Variants in WDR93 observed in about 807,000 individuals in gnomAD.
The protein encoded by WDR93 is WD repeat domain 93.
In WDR93, 73 loss-of-function variants were observed where a neutral mutation model predicts 82.9. The observed-to-expected ratio is 0.88, with a 90% CI of 0.73 to 1.07. WDR93 has a LOEUF of 1.07. WDR93 is among the 50% of genes least tolerant of loss of function. The pLI is 0.00. For synonymous variants in WDR93, 283 were observed against 300.1 expected (o/e 0.94, Z 0.59); for missense variants, 738 against 826.0 (o/e 0.89, Z 1.31).
intron 9 of WDR93, among the ~76,000 whole-genome samples, chr15:89,728,520 C>A (rs1270388798): frequency 6.6e-6 from 1 of 152,202 alleles, no homozygotes; most frequent in African/African-American, 2.4e-5. Flanking sequence ...GCTCCTACTG[C>A]ATAGTGAGAT....
Position 89,722,137 on chromosome 15 carries a change from C to A in WDR93, c.878C>A (p.Thr293Lys). The A allele has an allele frequency of 6.3e-7, 1 of 1,594,034 alleles. No homozygotes were observed. Among genetic ancestry groups the A allele is most frequent in the Non-Finnish European group, 8.6e-7 (1 of 1,168,948 alleles). ...IMKIKPPKPV[T>K]GTTFKSPLEV... ...AAGATCAAACCACCTAAGCCTGTTA[C>A]AGGTAAGTGTGATTCAAATCTCTCT... The change falls in exon 8 of 17, where the codon ACA (threonine) becomes AAA (lysine). Residue 293 changes from threonine to lysine, a missense_variant and splice_region_variant. By Grantham distance (78) the Thr-to-Lys change is moderately conservative. Transcript: ENST00000268130.
At chr15:89,704,460 A>G (rs1307853970) in intron 3 of WDR93, 1 of 152,250 alleles carries the variant, frequency 6.6e-6, no homozygotes, top group Non-Finnish European at 1.5e-5. Context: ...GTTCAAAATA[A>G]AAAGCTTAAA....
intron 10 of WDR93, among the ~76,000 whole-genome samples, chr15:89,729,300 T>C (rs1966841741): frequency 6.6e-6 from 1 of 152,128 alleles, no homozygotes; most frequent in Non-Finnish European, 1.5e-5. Context: ...AGGCTGGCAC[T>C]GCCTTCAGGG....
intron 1 of WDR93, among the ~76,000 whole-genome samples, chr15:89,700,531 C>A (rs1396024602): frequency 1.3e-5 from 2 of 148,820 alleles, no homozygotes; most frequent in Admixed American, 6.8e-5. Context: ...CATATGAAAG[C>A]CTTTTTATAA....
At chr15:89,695,381 T>C (rs1340889541) in intron 1 of WDR93, among the ~76,000 whole-genome samples, 1 of 152,202 alleles carries the variant, frequency 6.6e-6, no homozygotes, top group Admixed American at 6.5e-5. Flanking sequence ...TTGCCCAAAC[T>C]GGAGTGCAGC....
At chr15:89,736,026 C>G (rs1474272206) in intron 14 of WDR93, among the ~76,000 whole-genome samples, 1 of 152,030 alleles carries the variant, frequency 6.6e-6, no homozygotes, top group Non-Finnish European at 1.5e-5. Context: ...GAGGCTGGGG[C>G]GGGAAGACAG....
Position 89,743,569 on chromosome 15 carries a change from C to T in WDR93, c.*178C>T, listed in dbSNP as rs1967842818. 3 of 612,148 alleles carry T rather than the reference C, an allele frequency of 4.9e-6. No homozygotes were observed. In the South Asian group the frequency reaches 6.0e-5, roughly 12 times the overall value. The allele number at this position is 612,148 out of a possible 1,614,324, so 37.9% of individuals were successfully genotyped here. A position where few individuals can be genotyped will look rare whatever the true frequency, so the allele number is the denominator to read the frequency against. The stretch of plus-strand genomic sequence containing the variant: ...GTATAATCTGGGGGACCTTCAACCA[C>T]TAAGCCTCTTGTCAGAGCCCTCAGG... On this transcript the variant is annotated 3_prime_UTR_variant, in exon 17 of 17. Transcript: ENST00000268130.
chr15:89,734,805 T>G (rs1967026007), intron 13 of WDR93, among the ~76,000 whole-genome samples: 1 of 151,372 alleles, frequency 6.6e-6, no homozygotes, highest in Non-Finnish European at 1.5e-5. Flanking sequence ...GGTAACATAG[T>G]GAGACCCCTT....
In WDR93 at chr15:89,701,926, C is replaced by T; in HGVS notation, c.180C>T (p.Ile60=). 1 of 1,614,140 alleles carries T rather than the reference C, an allele frequency of 6.2e-7. No homozygotes were observed. Among genetic ancestry groups the T allele is most frequent in the Non-Finnish European group, 8.5e-7 (1 of 1,180,026 alleles). Residue 60 remains isoleucine (I), a synonymous_variant, in exon 2 of 17, where the codon ATC becomes ATT. Transcript: ENST00000268130. The stretch of plus-strand genomic sequence containing the variant: ...CCTTGCCTCAGCCTTATCGAATGAT[C>T]AACAAGCTGGTGAACCTTCTGTTTG... ...LDSLPQPYRM[I]NKLVNLLFDQ...
intron 1 of WDR93, among the ~76,000 whole-genome samples, chr15:89,692,980 G>A (rs377459759): frequency 1.4e-4 from 22 of 152,046 alleles, no homozygotes; most frequent in African/African-American, 3.1e-4. Flanking sequence ...AGTATGTAGC[G>A]TTTTCTTTTC....
At chr15:89,708,966 C>A (rs1366767472) in intron 4 of WDR93, among the ~76,000 whole-genome samples, 1 of 152,200 alleles carries the variant, frequency 6.6e-6, no homozygotes, top group Non-Finnish European at 1.5e-5. Flanking sequence ...CCTGTGGGTA[C>A]CCACATTATT....
At chr15:89,743,113 G>T (rs1376318909) in intron 16 of WDR93, among the ~76,000 whole-genome samples, 179 bp from the exon 17 acceptor site, 2 of 152,180 alleles carry the variant, frequency 1.3e-5, no homozygotes, top group East Asian at 3.9e-4. Context: ...CATTCCTCCA[G>T]GAAAGGCCTT....
chr15:89,696,100 A>G (rs1417816895), intron 1 of WDR93, among the ~76,000 whole-genome samples: 1 of 152,022 alleles, frequency 6.6e-6, no homozygotes. Context: ...TACAGACATG[A>G]GCCACCATGC....
At chr15:89,703,230 G>A (rs1965559766) in intron 3 of WDR93, 88 bp downstream of exon 3, 7 of 1,436,458 alleles carry the variant, frequency 4.9e-6, no homozygotes, top group African/African-American at 1.4e-5. Flanking sequence ...TATTGGTGGG[G>A]CCAGGCATGG....
chr15:89,725,193 A>G (rs779244651), intron 8 of WDR93, among the ~76,000 whole-genome samples: 5 of 152,246 alleles, frequency 3.3e-5, no homozygotes, highest in African/African-American at 9.6e-5. Context: ...CTAAATTTTC[A>G]TCAGTAGTAG....
intron 1 of WDR93, among the ~76,000 whole-genome samples, chr15:89,696,725 G>T (rs1030807979): frequency 5.3e-5 from 8 of 152,124 alleles, no homozygotes; most frequent in African/African-American, 1.9e-4. Context: ...GAACTCCGGG[G>T]CTCAAGCAAT....
At chr15:89,716,971 C>T (rs778009244) in intron 7 of WDR93, 22 bp downstream of exon 7, 2 of 1,448,062 alleles carry the variant, frequency 1.4e-6, no homozygotes, top group South Asian at 1.4e-5. Flanking sequence ...TAAAGAAAAT[C>T]TCCAGAGAGA....
intron 16 of WDR93, among the ~76,000 whole-genome samples, chr15:89,742,742 A>C (rs1296562365): frequency 6.6e-6 from 1 of 152,090 alleles, no homozygotes; most frequent in Non-Finnish European, 1.5e-5. Flanking sequence ...CAGGTTGGCC[A>C]GGCTAGTCTC....
chr15:89,700,567 T>G (rs988286080), intron 1 of WDR93, among the ~76,000 whole-genome samples: 1 of 100,210 alleles, frequency 1.0e-5, no homozygotes, highest in Admixed American at 9.3e-5. Flanking sequence ...GGGTTTTTTT[T>G]TTTTTTTTTT....
Sources: allele counts gnomAD v4.1 joint callset (sites outside exome capture counted in the v4.1 genomes callset), GRCh38; gene constraint gnomAD v4.1.1; transcripts MANE v1.5; gene names NCBI Gene and HGNC (gene_info 2026-07-23, HGNC 2026-07-21).